ZNF471: variants seen among roughly 807,000 people sequenced by gnomAD.
The protein encoded by ZNF471 is EZFIT-related protein 1.
ZNF471 carries 7 observed loss-of-function variants against 13.7 expected under a neutral mutation model. The observed-to-expected ratio is 0.51, with a 90% confidence interval of 0.29 to 0.96. ZNF471 has a LOEUF of 0.96. ZNF471 is among the 40% of genes least tolerant of loss of function. ZNF471 has a pLI of 0.08. For synonymous variants in ZNF471, 218 were observed against 235.6 expected (o/e 0.93, Z 0.68); for missense variants, 663 against 743.3 (o/e 0.89, Z 1.26).
chr19:56,522,124 C>T lies in ZNF471; in HGVS notation c.257-2200C>T, dbSNP rs918259598. On this transcript the variant is annotated intron_variant, in intron 4 of 4. Transcript: ENST00000308031. This position sits in a 1 kb window ranked among gnomAD's most constrained non-coding sequence, Gnocchi z 4.1. ...TATAGCCTAAGTGTGCAGCAGGCTA[C>T]ACCATCCATCAAGGTTTGTATAAGT... Among the ~76,000 whole-genome samples, 1 of 152,194 alleles carries T rather than the reference C, an allele frequency of 6.6e-6. No individual in the cohort carries two copies. The highest frequency in any genetic ancestry group is 2.4e-5 in the African/African-American group (1 of 41,432).
Position 56,510,995 on chromosome 19 carries a change from CG to C in ZNF471, c.-55-516del, listed in dbSNP as rs111892059. On this transcript the variant is annotated intron_variant, in intron 1 of 4. Transcript: ENST00000308031. This position sits in a 1 kb window ranked among gnomAD's most constrained non-coding sequence, Gnocchi z 4.3. Reference sequence around the variant, plus strand: ...CAGGGTGAGGAAAGTGAAACAGTGCCGGGGGGTGGGTCAGGGATGCAGTGGT... The same window carrying C: ...CAGGGTGAGGAAAGTGAAACAGTGCCGGGGGTGGGTCAGGGATGCAGTGGT... The C allele has an allele frequency of 2.8e-5, 28 of 983,598 alleles. 1 individual carries two copies. The East Asian group carries it at 5.7e-4, about 20-fold the overall frequency. The allele number at this position is 983,598 out of a possible 1,614,324, so 60.9% of individuals were successfully genotyped here.
At position 56,516,317 on chromosome 19, in the gene ZNF471, G is replaced by A; in HGVS notation, c.76G>A (p.Glu26Lys). 6.2e-7 allele frequency: 1 copy of A among 1,613,922 alleles called. No individual in the cohort carries two copies. Among genetic ancestry groups the A allele is most frequent in the African/African-American group, 1.3e-5 (1 of 75,042 alleles). ...FKDVAIDFSQ[E>K]EWQWMNPAQK... ...GGATGTGGCAATAGATTTTTCCCAG[G>A]AAGAATGGCAATGGATGAACCCTGC... is the stretch of plus-strand genomic sequence containing the variant. Residue 26 changes from glutamate (E) to lysine (K), a missense_variant, in exon 3 of 5, where the codon GAA (glutamate) becomes AAA (lysine). Coordinates refer to ENST00000308031, the MANE Select transcript of ZNF471 (RefSeq NM_020813.4). The surrounding 1 kb of genome is among the most constrained non-coding windows in gnomAD (Gnocchi z 4.4).
chr19:56,515,080 TA>T (rs978849606), intron 2 of ZNF471, among the ~76,000 whole-genome samples: 1 of 152,048 alleles, frequency 6.6e-6, no homozygotes, highest in Non-Finnish European at 1.5e-5. Flanking sequence ...CATTATCAGT[TA>T]AAAAAAATCA....
chr19:56,521,077 G>A (rs1033136919), intron 4 of ZNF471, among the ~76,000 whole-genome samples: 3 of 152,268 alleles, frequency 2.0e-5, no homozygotes, highest in South Asian at 2.1e-4. Context: ...ATCAGATCTC[G>A]TGAGACTTAT....
In ZNF471 at chr19:56,525,345, A is replaced by G. The variant is rs747329296; in HGVS notation, c.1278A>G (p.Thr426=). ...GTACTGTACATCAGAGAATTCATAC[A>G]GGAGAGAAACCTTATGAATGTGATA... The part of the protein sequence containing the change: ...SSRTVHQRIH[T]GEKPYECDIC... Residue 426 remains threonine, a synonymous_variant, in exon 5 of 5, where the codon ACA becomes ACG. Coordinates refer to ENST00000308031, the MANE Select transcript of ZNF471 (RefSeq NM_020813.4). 5 of 1,613,984 alleles carry G rather than the reference A, an allele frequency of 3.1e-6. No homozygotes were observed. Among genetic ancestry groups the G allele is most frequent in the East Asian group, 2.2e-5 (1 of 44,872 alleles).
intron 4 of ZNF471, among the ~76,000 whole-genome samples, chr19:56,521,084 T>A (rs2043964262): frequency 6.6e-6 from 1 of 152,180 alleles, no homozygotes; most frequent in Non-Finnish European, 1.5e-5. Flanking sequence ...CTCGTGAGAC[T>A]TATTCACTGC....
Position 56,516,147 on chromosome 19 carries a change from G to T in ZNF471, c.34-128G>T, listed in dbSNP as rs2043884981. 3 of 931,632 alleles carry T rather than the reference G, an allele frequency of 3.2e-6. No homozygotes were observed. Among genetic ancestry groups the T allele is most frequent in the Non-Finnish European group, 4.9e-6 (3 of 617,290 alleles). 57.7% of individuals were successfully genotyped at this position (931,632 alleles called of 1,614,324 possible). A position where few individuals can be genotyped will look rare whatever the true frequency, so the allele number is the denominator to read the frequency against. On this transcript the variant is annotated intron_variant, in intron 2 of 4. Coordinates refer to ENST00000308031, the MANE Select transcript of ZNF471 (RefSeq NM_020813.4). This position sits in a 1 kb window ranked among gnomAD's most constrained non-coding sequence, Gnocchi z 4.4. ...CTTCCATAAGTACTGTTTTGGCTTG[G>T]ATCTTCCTATTTATGTTTTTTCTCT... is the stretch of plus-strand genomic sequence containing the variant.
rs1221148044 is a variant in ZNF471, at chr19:56,522,415, A to C, written c.257-1909A>C. Among the ~76,000 whole-genome samples, 1 of 152,184 alleles carries C rather than the reference A, an allele frequency of 6.6e-6. No homozygotes were observed. The highest frequency in any genetic ancestry group is 1.5e-5 in the Non-Finnish European group (1 of 68,038). On this transcript the variant is annotated intron_variant, in intron 4 of 4. Coordinates refer to ENST00000308031, the MANE Select transcript of ZNF471 (RefSeq NM_020813.4). The surrounding 1 kb of genome is among the most constrained non-coding windows in gnomAD (Gnocchi z 4.1). Reference sequence around the variant, plus strand: ...GATTATGTTTTGTATTATCTTCTCAAAACTTTTTTTGTTGGTCTTGTCTTC... The same window carrying C: ...GATTATGTTTTGTATTATCTTCTCACAACTTTTTTTGTTGGTCTTGTCTTC...
At position 56,507,921 on chromosome 19, in the gene ZNF471, G is replaced by A. The variant is rs926499066; in HGVS notation, c.-56+1G>A. The A allele has an allele frequency of 5.4e-5, 53 of 985,564 alleles. No individual in the cohort carries two copies. Among genetic ancestry groups the A allele is most frequent in the Non-Finnish European group, 6.4e-5 (53 of 830,078 alleles). The allele number at this position is 985,564 out of a possible 1,614,324, so 61.1% of individuals were successfully genotyped here. ...GTCTGGGTGCCAGACGAGGCCGGGG[G>A]TTTGTTTTGGGTGGTTTGGGAGTCC... is the stretch of plus-strand genomic sequence containing the variant. On this transcript the variant is annotated splice_donor_variant, in intron 1 of 4. Coordinates refer to ENST00000308031, the MANE Select transcript of ZNF471 (RefSeq NM_020813.4). LOFTEE classifies it low-confidence loss of function (5UTR_SPLICE).
Position 56,516,289 on chromosome 19 carries a change from C to A in ZNF471, c.48C>A (p.Phe16Leu). 6.2e-7 allele frequency: 1 copy of A among 1,613,580 alleles called. No individual in the cohort carries two copies. Among genetic ancestry groups the A allele is most frequent in the South Asian group, 1.1e-5 (1 of 91,054 alleles). Residue 16 changes from phenylalanine to leucine, a missense_variant, in exon 3 of 5, where the codon TTC becomes TTA. Physicochemically the swap from Phe to Leu is conservative, Grantham distance 22. Coordinates refer to ENST00000308031, the MANE Select transcript of ZNF471 (RefSeq NM_020813.4). This position sits in a 1 kb window ranked among gnomAD's most constrained non-coding sequence, Gnocchi z 4.4. ...TGTCACTTCAGGACTTAGTGACATT[C>A]AAGGATGTGGCAATAGATTTTTCCC... Reference protein sequence around the residue: ...VKVMPQDLVTFKDVAIDFSQE... With the variant: ...VKVMPQDLVTLKDVAIDFSQE...
At chr19:56,517,927 G>A (rs1162829072) in intron 3 of ZNF471, among the ~76,000 whole-genome samples, 2 of 152,112 alleles carry the variant, frequency 1.3e-5, no homozygotes, top group Non-Finnish European at 2.9e-5. Flanking sequence ...TTTATTTCAA[G>A]CATATTTGCC....
chr19:56,522,831 G>C lies in ZNF471; in HGVS notation c.257-1493G>C, dbSNP rs113447111. Among the ~76,000 whole-genome samples the C allele has an allele frequency of 3.4e-3, 511 of 151,794 alleles. 7 individuals carry two copies. The highest frequency in any genetic ancestry group is 0.012 in the African/African-American group (491 of 41,396). On this transcript the variant is annotated intron_variant, in intron 4 of 4. Coordinates refer to ENST00000308031, the MANE Select transcript of ZNF471 (RefSeq NM_020813.4). This position sits in a 1 kb window ranked among gnomAD's most constrained non-coding sequence, Gnocchi z 4.1. ...GGCTCACTGCAACCTATGCCTCCTG[G>C]GTTCAAGCAATTTTCCTGCTTTAGC...
At chr19:56,523,773 G>C (rs553508627) in intron 4 of ZNF471, among the ~76,000 whole-genome samples, 1 of 152,276 alleles carries the variant, frequency 6.6e-6, no homozygotes, top group South Asian at 2.1e-4. Flanking sequence ...TACCATTGCA[G>C]ACTACTTCTC....
In ZNF471 at chr19:56,508,718, G is replaced by A. The variant is rs144571663; in HGVS notation, c.-56+798G>A. On this transcript the variant is annotated intron_variant, in intron 1 of 4. Transcript: ENST00000308031. This position sits in a 1 kb window ranked among gnomAD's most constrained non-coding sequence, Gnocchi z 4.7. ...AATGGGTGTTTTGGGTGAAAGACCC[G>A]TCAGTGTGTGAGGCCGTGTTATGTG... Among the ~76,000 whole-genome samples the A allele has an allele frequency of 9.9e-3, 1,509 of 152,070 alleles. 10 individuals carry two copies. Among genetic ancestry groups the A allele is most frequent in the Middle Eastern group, 0.014 (4 of 290 alleles).
chr19:56,507,869 G>A lies in ZNF471; in HGVS notation c.-107G>A, dbSNP rs1032446367. 2 of 985,536 alleles carry A rather than the reference G, an allele frequency of 2.0e-6. No homozygotes were observed. The highest frequency in any genetic ancestry group is 2.3e-4 in the East Asian group (2 of 8,806). 61.0% of individuals were successfully genotyped at this position (985,536 alleles called of 1,614,324 possible). A position where few individuals can be genotyped will look rare whatever the true frequency, so the allele number is the denominator to read the frequency against. ...CTGCGCGATGGGGGGTTCCAGCGTC[G>A]ACTCACGGAGTCCTTCGGATGAGAG... On this transcript the variant is annotated 5_prime_UTR_variant, in exon 1 of 5. Coordinates refer to ENST00000308031, the MANE Select transcript of ZNF471 (RefSeq NM_020813.4).
At chr19:56,523,246 C>G (rs1391052779) in intron 4 of ZNF471, among the ~76,000 whole-genome samples, 1 of 152,104 alleles carries the variant, frequency 6.6e-6, no homozygotes, top group Non-Finnish European at 1.5e-5. Flanking sequence ...CAGTGGCTCA[C>G]ACCTGTAATC....
In ZNF471 at chr19:56,508,114, C is replaced by T. The variant is rs1235927281; in HGVS notation, c.-56+194C>T. 36 of 985,220 alleles carry T rather than the reference C, an allele frequency of 3.7e-5. No homozygotes were observed. Among genetic ancestry groups the T allele is most frequent in the Non-Finnish European group, 4.3e-5 (36 of 829,924 alleles). 61.0% of individuals were successfully genotyped at this position (985,220 alleles called of 1,614,324 possible). A position where few individuals can be genotyped will look rare whatever the true frequency, so the allele number is the denominator to read the frequency against. ...GAGGCCGCGGCTCGGGGCTGCTGGG[C>T]GTTCGGGGCGGCTTGGGGCGGCGGG... On this transcript the variant is annotated intron_variant, in intron 1 of 4. Coordinates refer to ENST00000308031, the MANE Select transcript of ZNF471 (RefSeq NM_020813.4). This position sits in a 1 kb window ranked among gnomAD's most constrained non-coding sequence, Gnocchi z 4.7.
In ZNF471 at chr19:56,508,626, CTG is replaced by C. The variant is rs1028799795; in HGVS notation, c.-56+709_-56+710del. Among the ~76,000 whole-genome samples, 52 of 151,212 alleles carry C rather than the reference CTG, an allele frequency of 3.4e-4. No individual in the cohort carries two copies. Among genetic ancestry groups the C allele is most frequent in the Middle Eastern group, 3.4e-3 (1 of 290 alleles). On this transcript the variant is annotated intron_variant, in intron 1 of 4. Transcript: ENST00000308031. The surrounding 1 kb of genome is among the most constrained non-coding windows in gnomAD (Gnocchi z 4.7). The stretch of plus-strand genomic sequence containing the variant: ...GAATCACCATGTATGCGAGACTAGA[CTG>C]TGCAAGAACAGAGTGTGAGACTGTG...
rs141743497 is a variant in ZNF471, at chr19:56,522,134, C to G, written c.257-2190C>G. 6.6e-6 allele frequency among the ~76,000 whole-genome samples: 1 copy of G among 152,112 alleles called. No homozygotes were observed. Among genetic ancestry groups the G allele is most frequent in the Admixed American group, 6.5e-5 (1 of 15,278 alleles). ...GTGTGCAGCAGGCTACACCATCCAT[C>G]AAGGTTTGTATAAGTACGCTCTGTA... On this transcript the variant is annotated intron_variant, in intron 4 of 4. Coordinates refer to ENST00000308031, the MANE Select transcript of ZNF471 (RefSeq NM_020813.4). This position sits in a 1 kb window ranked among gnomAD's most constrained non-coding sequence, Gnocchi z 4.1.
Sources: allele counts gnomAD v4.1 joint callset (sites outside exome capture counted in the v4.1 genomes callset), GRCh38; gene constraint gnomAD v4.1.1; non-coding constraint Gnocchi (gnomAD v3.1); transcripts MANE v1.5; gene names NCBI Gene and HGNC (gene_info 2026-07-23, HGNC 2026-07-21).